The following TBC1D19 variants were observed in gnomAD, a reference collection of about 807,000 sequenced individuals.
TBC1D19 encodes TBC1 domain family member 19, also known as TBC1 domain family, member 19.
TBC1D19 carries 60 observed loss-of-function variants against 89.0 expected under a neutral mutation model. The observed-to-expected ratio is 0.67, with a 90% CI of 0.55 to 0.84. The LOEUF (loss-of-function observed/expected upper bound fraction) is 0.84, where lower values mean the gene tolerates loss of function less well. Among genes scored for constraint, TBC1D19 ranks in the 40% least tolerant of loss-of-function variants. TBC1D19 has a pLI of 0.00. For missense variants in TBC1D19, 500 were observed against 610.8 expected (o/e 0.82, Z 1.91); for synonymous variants, 189 against 199.7 (o/e 0.95, Z 0.45).
At position 26,659,595 on chromosome 4, in the gene TBC1D19, AG is replaced by A. The variant is rs1436913253; in HGVS notation, c.481del. 20 of 1,567,792 alleles carry A rather than the reference AG, an allele frequency of 1.3e-5. No individual in the cohort carries two copies. The highest frequency in any genetic ancestry group is 1.6e-5 in the Non-Finnish European group (18 of 1,145,396). On this transcript the variant is annotated splice_acceptor_variant, in intron 7 of 20. Coordinates refer to ENST00000264866, the MANE Select transcript of TBC1D19 (RefSeq NM_018317.4). LOFTEE classifies it high-confidence loss of function. ...CCAATTTTGTTGGATTTGTTTTTAA[AG>A]GTATTAATTAATCTTCGCAACCCAA...
upstream of TBC1D19, among the ~76,000 whole-genome samples, chr4:26,582,439 A>G (rs1002814282): frequency 3.3e-5 from 5 of 152,118 alleles, no homozygotes; most frequent in African/African-American, 1.2e-4. Context: ...TCAACGCTCT[A>G]CTAATCTTTT....
chr4:26,729,699 G>A (rs569392179), intron 15 of TBC1D19, among the ~76,000 whole-genome samples: 1 of 152,246 alleles, frequency 6.6e-6, no homozygotes, highest in Admixed American at 6.5e-5. Flanking sequence ...GTATGCCAAG[G>A]GGGAGGCAGA....
intron 7 of TBC1D19, among the ~76,000 whole-genome samples, chr4:26,646,996 A>G (rs527797512): frequency 7.9e-5 from 12 of 152,334 alleles, no homozygotes; most frequent in African/African-American, 2.4e-4. Context: ...TGGCACATAT[A>G]CATACTCAGG....
chr4:26,753,857 C>T lies in TBC1D19; in HGVS notation c.1473C>T (p.Asn491=), dbSNP rs749519394. The change falls in exon 20 of 21, where the codon AAC becomes AAT. Residue 491 remains asparagine, a synonymous_variant. Transcript: ENST00000264866. ...AAAVFAFRAV[N]LMEVTSLAAA... The stretch of plus-strand genomic sequence containing the variant: ...CCGTGTTTGCTTTCCGAGCAGTGAA[C>T]CTGATGGAGGTGACATCACTGGCTG... 12 of 1,613,844 alleles carry T rather than the reference C, an allele frequency of 7.4e-6. No individual in the cohort carries two copies. The highest frequency in any genetic ancestry group is 2.2e-5 in the East Asian group (1 of 44,872).
intron 13 of TBC1D19, among the ~76,000 whole-genome samples, chr4:26,697,276 G>C (rs878866882): frequency 2.6e-5 from 4 of 152,198 alleles, no homozygotes; most frequent in African/African-American, 9.6e-5. Flanking sequence ...ATAAATTCCT[G>C]GACACAAACA....
At chr4:26,642,561 T>A (rs1385131682) in intron 7 of TBC1D19, among the ~76,000 whole-genome samples, 2 of 152,172 alleles carry the variant, frequency 1.3e-5, no homozygotes, top group African/African-American at 4.8e-5. Context: ...AATGACAGGA[T>A]CAAATCCACA....
At chr4:26,738,909 A>G (rs62299026) in intron 16 of TBC1D19, among the ~76,000 whole-genome samples, 1,536 of 152,292 alleles carry the variant, frequency 0.01, 10 homozygotes, top group Non-Finnish European at 0.016. Flanking sequence ...TTGCTTACTT[A>G]GTGCTTATTG....
At position 26,638,762 on chromosome 4, in the gene TBC1D19, C is replaced by G; in HGVS notation, c.370-9C>G. Reference sequence around the variant, plus strand: ...GAAATGAAACCAGTTTCAAAATTACCTTTTCCAGAGGCCAGTTGGAGAACA... The same window carrying G: ...GAAATGAAACCAGTTTCAAAATTACGTTTTCCAGAGGCCAGTTGGAGAACA... On this transcript the variant is annotated splice_polypyrimidine_tract_variant and intron_variant, in intron 5 of 20. Transcript: ENST00000264866. The G allele has an allele frequency of 6.2e-7, 1 of 1,600,884 alleles. No homozygotes were observed. Among genetic ancestry groups the G allele is most frequent in the Non-Finnish European group, 8.5e-7 (1 of 1,175,948 alleles).
At chr4:26,750,758 C>T (rs949217808) in intron 19 of TBC1D19, among the ~76,000 whole-genome samples, 1 of 152,120 alleles carries the variant, frequency 6.6e-6, no homozygotes, top group African/African-American at 2.4e-5. Context: ...CTGAAGGAAG[C>T]TCCCCTACCA....
At chr4:26,727,085 C>T (rs1717366234) in intron 15 of TBC1D19, among the ~76,000 whole-genome samples, 2 of 152,150 alleles carry the variant, frequency 1.3e-5, no homozygotes, top group Admixed American at 1.3e-4. Flanking sequence ...TGTAGAAGAA[C>T]TCTGAGGCCA....
intron 7 of TBC1D19, among the ~76,000 whole-genome samples, chr4:26,649,920 T>TGA (rs1577871695): frequency 6.6e-6 from 1 of 151,628 alleles, no homozygotes; most frequent in South Asian, 2.1e-4. Flanking sequence ...TGTCCATGCA[T>TGA]TCTCATTGTT....
intron 4 of TBC1D19, among the ~76,000 whole-genome samples, chr4:26,629,393 T>C (rs1024472025): frequency 2.6e-5 from 4 of 152,106 alleles, no homozygotes; most frequent in Non-Finnish European, 4.4e-5. Context: ...GTTGTTTCTA[T>C]CATCACTTAG....
intron 1 of TBC1D19, among the ~76,000 whole-genome samples, chr4:26,587,543 C>T (rs1267581537): frequency 6.9e-6 from 1 of 145,162 alleles, no homozygotes; most frequent in Admixed American, 7.0e-5. Flanking sequence ...CACCACTGCA[C>T]TTCAGCCTGG....
intron 4 of TBC1D19, among the ~76,000 whole-genome samples, chr4:26,636,023 C>T (rs568238576): frequency 2.0e-5 from 3 of 152,196 alleles, no homozygotes; most frequent in African/African-American, 7.2e-5. Context: ...TATTATGCCA[C>T]TGTTTGAGTC....
At chr4:26,783,841 A>G in the TBC1D19 span, among the ~76,000 whole-genome samples, 3 of 151,848 alleles carry the variant, frequency 2.0e-5, no homozygotes, top group Non-Finnish European at 2.9e-5. Flanking sequence ...GCAACCATGC[A>G]TCTTAGGCCA....
At chr4:26,664,887 G>A (rs773932197) in intron 8 of TBC1D19, among the ~76,000 whole-genome samples, 2 of 152,196 alleles carry the variant, frequency 1.3e-5, no homozygotes, top group Non-Finnish European at 2.9e-5. Flanking sequence ...TACAAACCCC[G>A]TGTTTAAAGG....
chr4:26,824,402 TTCTC>T, the TBC1D19 span, among the ~76,000 whole-genome samples: 3 of 152,208 alleles, frequency 2.0e-5, no homozygotes, highest in Non-Finnish European at 2.9e-5. Flanking sequence ...AGTAATATAT[TTCTC>T]TCTATCATAA....
upstream of TBC1D19, among the ~76,000 whole-genome samples, chr4:26,581,647 T>C (rs78624481): frequency 6.6e-6 from 1 of 152,344 alleles, no homozygotes; most frequent in African/African-American, 2.4e-5. Flanking sequence ...TGGTAATCTG[T>C]ACCTTCAGTT....
At chr4:26,786,280 G>A in the TBC1D19 span, among the ~76,000 whole-genome samples, 1 of 152,174 alleles carries the variant, frequency 6.6e-6, no homozygotes, top group African/African-American at 2.4e-5. Flanking sequence ...TCGCCAAAGT[G>A]CTGGGCTAGG....
Sources: allele counts gnomAD v4.1 joint callset (sites outside exome capture counted in the v4.1 genomes callset), GRCh38; gene constraint gnomAD v4.1.1; transcripts MANE v1.5; gene names NCBI Gene and HGNC (gene_info 2026-07-23, HGNC 2026-07-21).